WWTR1: variants seen among roughly 807,000 people sequenced by gnomAD.
The protein encoded by WWTR1 is WW domain containing transcription regulator 1, also known as WW domain-containing transcription regulator protein 1.
WWTR1 carries 13 observed loss-of-function variants against 40.1 expected under a neutral mutation model. The ratio of observed to expected loss-of-function variants is 0.32; its 90% CI spans 0.21 to 0.52. WWTR1 has a LOEUF of 0.52. WWTR1 is among the 20% of genes least tolerant of loss of function. WWTR1 has a pLI of 0.97. For missense variants in WWTR1, 436 were observed against 523.1 expected (o/e 0.83, Z 1.63); for synonymous variants, 230 against 210.1 (o/e 1.09, Z -0.82).
rs1350244224 is a variant in WWTR1, at chr3:149,608,441, A to C, written c.432-35441T>G. Among the ~76,000 whole-genome samples, 7 of 151,284 alleles carry C rather than the reference A, an allele frequency of 4.6e-5. No individual in the cohort carries two copies. In the East Asian group the frequency reaches 1.4e-3, roughly 30 times the overall value. ...TGCTCTGTCACCCAGGATGGAGTGCAGTGGCATGATCTTGGCTCACTGCAA... is the reference window on the plus strand; with the variant it reads ...TGCTCTGTCACCCAGGATGGAGTGCCGTGGCATGATCTTGGCTCACTGCAA... On this transcript the variant is annotated intron_variant, in intron 2 of 6. Transcript: ENST00000360632.
intron 4 of WWTR1, among the ~76,000 whole-genome samples, chr3:149,535,565 G>T (rs1407583870): frequency 6.6e-6 from 1 of 152,140 alleles, no homozygotes. Context: ...TACTAAGTTT[G>T]TCATTATTAT....
chr3:149,641,167 A>T (rs1712150312), intron 2 of WWTR1, among the ~76,000 whole-genome samples: 1 of 152,216 alleles, frequency 6.6e-6, no homozygotes, highest in Admixed American at 6.5e-5. Context: ...ACATTGTTTT[A>T]AAAACCCATT....
intron 2 of WWTR1, among the ~76,000 whole-genome samples, chr3:149,583,126 T>C (rs1402520657): frequency 3.9e-5 from 6 of 152,102 alleles, no homozygotes; most frequent in African/African-American, 1.4e-4. Context: ...CCACCACACC[T>C]GACGAATTTT....
intron 1 of WWTR1, among the ~76,000 whole-genome samples, chr3:149,699,894 C>G (rs1367947764): frequency 6.6e-6 from 1 of 152,218 alleles, no homozygotes; most frequent in Non-Finnish European, 1.5e-5. Flanking sequence ...ATTTCTACAT[C>G]TTCAAATATC....
chr3:149,536,679 C>G (rs535296568), intron 4 of WWTR1, among the ~76,000 whole-genome samples: 1 of 151,822 alleles, frequency 6.6e-6, no homozygotes, highest in African/African-American at 2.4e-5. Context: ...TCCCTGTTGC[C>G]CCGGCGACCC....
chr3:149,566,945 T>A (rs746215630), intron 3 of WWTR1, among the ~76,000 whole-genome samples: 1 of 152,118 alleles, frequency 6.6e-6, no homozygotes. Flanking sequence ...TGTGCATGTG[T>A]GTATATGTAA....
chr3:149,559,797 A>G (rs1205790556), intron 3 of WWTR1, among the ~76,000 whole-genome samples: 3 of 152,220 alleles, frequency 2.0e-5, no homozygotes, highest in Non-Finnish European at 4.4e-5. Flanking sequence ...TCTGTGCTAC[A>G]TAATTCTGAT....
chr3:149,656,026 A>G (rs1285233078), intron 2 of WWTR1, among the ~76,000 whole-genome samples: 1 of 152,144 alleles, frequency 6.6e-6, no homozygotes, highest in East Asian at 1.9e-4. Flanking sequence ...TCAATGGAAC[A>G]TTTCAAGTTC....
chr3:149,622,998 T>C (rs1740384330), intron 2 of WWTR1, among the ~76,000 whole-genome samples: 2 of 152,234 alleles, frequency 1.3e-5, no homozygotes, highest in Admixed American at 1.3e-4. Context: ...ATAATAGCCT[T>C]GGATTCAGTA....
intron 2 of WWTR1, among the ~76,000 whole-genome samples, chr3:149,607,804 CTG>C (rs1369522973): frequency 6.6e-6 from 1 of 152,330 alleles, no homozygotes; most frequent in East Asian, 1.9e-4. Context: ...ACCTGTGTGA[CTG>C]TAAAATTTCC....
At position 149,645,038 on chromosome 3, in the gene WWTR1, A is replaced by G. The variant is rs1712409460; in HGVS notation, c.431+11838T>C. 2.6e-5 allele frequency among the ~76,000 whole-genome samples: 4 copies of G among 151,512 alleles called. No homozygotes were observed. The South Asian group carries it at 8.3e-4, about 31-fold the overall frequency. On this transcript the variant is annotated intron_variant, in intron 2 of 6. Transcript: ENST00000360632. ...CAACTAATTTTTGTATTTTTAGTAG[A>G]TACGGGGTTTCACCATGTTGGCCAG...
intron 1 of WWTR1, among the ~76,000 whole-genome samples, chr3:149,679,721 G>A (rs573535010): frequency 1.3e-5 from 2 of 152,210 alleles, no homozygotes; most frequent in East Asian, 3.9e-4. Flanking sequence ...CCAAAGGTTG[G>A]CAAAGAAAAG....
rs571711807 is a variant in WWTR1 at position 149,653,816 on chromosome 3, A to G, written c.431+3060T>C. 5.3e-5 allele frequency among the ~76,000 whole-genome samples: 8 copies of G among 152,332 alleles called. No individual in the cohort carries two copies. In the South Asian group the frequency reaches 1.7e-3, roughly 32 times the overall value. ...TTAGAGGTCCAGTCCAGGGTCCACC[A>G]TTAAATAACCACATGACTTTCCCAA... is the stretch of plus-strand genomic sequence containing the variant. On this transcript the variant is annotated intron_variant, in intron 2 of 6. Coordinates refer to ENST00000360632, the MANE Select transcript of WWTR1 (RefSeq NM_015472.6).
At chr3:149,692,648 TTTGA>T (rs1357013352) in intron 1 of WWTR1, among the ~76,000 whole-genome samples, 1 of 143,458 alleles carries the variant, frequency 7.0e-6, no homozygotes, top group Non-Finnish European at 1.5e-5. Context: ...TGTTTGTTTG[TTTGA>T]GACGGAGTTT....
At chr3:149,562,662 ATCT>A (rs1230121801) in intron 3 of WWTR1, among the ~76,000 whole-genome samples, 4 of 144,428 alleles carry the variant, frequency 2.8e-5, no homozygotes, top group East Asian at 2.1e-4. Flanking sequence ...GGGAGGGGTG[ATCT>A]TCTTTTTAGC....
intron 2 of WWTR1, among the ~76,000 whole-genome samples, chr3:149,647,674 G>A (rs936692728): frequency 5.3e-5 from 8 of 152,196 alleles, no homozygotes; most frequent in African/African-American, 1.9e-4. Context: ...TTGCTAAATT[G>A]AATATAGGAT....
At chr3:149,713,459 C>T (rs1393282454) in intron 5 of WWTR1, among the ~76,000 whole-genome samples, 2 of 152,100 alleles carry the variant, frequency 1.3e-5, no homozygotes, top group African/African-American at 4.8e-5. Context: ...CAGCTCACTG[C>T]AACCTCTGCC....
chr3:149,696,135 A>AG (rs1714982481), intron 1 of WWTR1, among the ~76,000 whole-genome samples: 1 of 150,742 alleles, frequency 6.6e-6, no homozygotes, highest in Admixed American at 6.6e-5. Flanking sequence ...AAAAAAAAAA[A>AG]TCACACAGAT....
chr3:149,643,974 C>T (rs58859864), intron 2 of WWTR1, among the ~76,000 whole-genome samples: 1 of 152,114 alleles, frequency 6.6e-6, no homozygotes, highest in African/African-American at 2.4e-5. Context: ...CTATCTGTAA[C>T]CTCTCTAAGA....
Sources: allele counts gnomAD v4.1 joint callset (sites outside exome capture counted in the v4.1 genomes callset), GRCh38; gene constraint gnomAD v4.1.1; transcripts MANE v1.5; gene names NCBI Gene and HGNC (gene_info 2026-07-23, HGNC 2026-07-21).